Variants in FBN1 observed in about 807,000 individuals in gnomAD.
The protein encoded by FBN1 is fibrillin-1.
In FBN1, 29 loss-of-function variants were observed where a neutral mutation model predicts 365.1. That is an observed-to-expected ratio of 0.08 (90% CI 0.06 to 0.11). The LOEUF is 0.11. Among genes scored for constraint, FBN1 ranks in the 10% least tolerant of loss-of-function variants. The pLI is 1.00. For missense variants in FBN1, 2,476 were observed against 3,703.2 expected (o/e 0.67, Z 8.60); for synonymous variants, 1,210 against 1,270.5 (o/e 0.95, Z 1.01).
intron 7 of FBN1, 22 bp from the exon 8 acceptor site, chr15:48,534,227 A>G (rs1369480699): frequency 1.9e-6 from 3 of 1,590,642 alleles, no homozygotes; most frequent in African/African-American, 1.4e-5. Context: ...CAGAAGACAG[A>G]GAGAAAAAAA....
chr15:48,579,015 T>C (rs1365424719), intron 6 of FBN1, among the ~76,000 whole-genome samples: 1 of 113,696 alleles, frequency 8.8e-6, no homozygotes, highest in South Asian at 2.7e-4. Flanking sequence ...ATAATAAAAA[T>C]AAAAATAAAA....
At chr15:48,435,738 G>GTGTGTATA (rs2043063453) in intron 53 of FBN1, among the ~76,000 whole-genome samples, 1 of 103,164 alleles carries the variant, frequency 9.7e-6, no homozygotes, top group Non-Finnish European at 1.6e-5. Context: ...GTATATATAT[G>GTGTGTATA]TGTGTATATA....
At position 48,420,673 on chromosome 15, in the gene FBN1, GA is replaced by G. The variant is rs753639266; in HGVS notation, c.7819+13del. Reference sequence around the variant, plus strand: ...GATAGCCATGCATCTTGAGAGTGAGGAAAAGTTACTTGCCAACACACTGGTT... The same window carrying G: ...GATAGCCATGCATCTTGAGAGTGAGGAAAGTTACTTGCCAACACACTGGTT... On this transcript the variant is annotated intron_variant, in intron 63 of 65. Transcript: ENST00000316623. The G allele has an allele frequency of 4.3e-6, 7 of 1,613,892 alleles. No individual in the cohort carries two copies. Among genetic ancestry groups the G allele is most frequent in the African/African-American group, 1.3e-5 (1 of 74,890 alleles).
At chr15:48,613,396 A>G in intron 2 of FBN1, among the ~76,000 whole-genome samples, 1 of 152,226 alleles carries the variant, frequency 6.6e-6, no homozygotes, top group East Asian at 1.9e-4. Flanking sequence ...ATTAGACAAT[A>G]AACTTAAACA....
chr15:48,608,421 T>C (rs1274101875), intron 4 of FBN1, among the ~76,000 whole-genome samples: 1 of 152,224 alleles, frequency 6.6e-6, no homozygotes, highest in East Asian at 1.9e-4. Context: ...GTTAGCAAAG[T>C]GATCAGGATG....
chr15:48,465,296 A>C (rs1455434364), intron 40 of FBN1, among the ~76,000 whole-genome samples: 1 of 152,212 alleles, frequency 6.6e-6, no homozygotes, highest in Non-Finnish European at 1.5e-5. Context: ...AGCATGGAAA[A>C]ATATTTTGTA....
chr15:48,596,450 C>G lies in FBN1; in HGVS notation c.443-72G>C, dbSNP rs1163953323. On this transcript the variant is annotated intron_variant, in intron 5 of 65. Transcript: ENST00000316623. ...CTAATGAAGTAACACTTGTGGTCCT[C>G]TGGAAGGACAACAATAAAATGTCTA... 7 of 1,387,486 alleles carry G rather than the reference C, an allele frequency of 5.0e-6. No homozygotes were observed. In the African/African-American group the frequency reaches 9.9e-5, roughly 20 times the overall value. 85.9% of individuals were successfully genotyped at this position (1,387,486 alleles called of 1,614,324 possible). A position where few individuals can be genotyped will look rare whatever the true frequency, so the allele number is the denominator to read the frequency against.
At chr15:48,560,880 C>A (rs1484066581) in intron 6 of FBN1, among the ~76,000 whole-genome samples, 1 of 152,110 alleles carries the variant, frequency 6.6e-6, no homozygotes, top group Non-Finnish European at 1.5e-5. Flanking sequence ...CTGTGTGACC[C>A]TCTCTAAACC....
intron 6 of FBN1, among the ~76,000 whole-genome samples, chr15:48,553,558 G>A (rs1039193990): frequency 2.0e-5 from 3 of 152,142 alleles, no homozygotes; most frequent in African/African-American, 7.2e-5. Context: ...AAATGAAGTC[G>A]CAGCTTTATA....
At chr15:48,460,806 T>C (rs981816268) in intron 42 of FBN1, among the ~76,000 whole-genome samples, 2 of 152,148 alleles carry the variant, frequency 1.3e-5, no homozygotes, top group African/African-American at 4.8e-5. Flanking sequence ...CCTTCACCAG[T>C]TTTTCAGTTT....
At chr15:48,457,932 T>C (rs1438884292) in intron 43 of FBN1, among the ~76,000 whole-genome samples, 1 of 152,076 alleles carries the variant, frequency 6.6e-6, no homozygotes, top group Non-Finnish European at 1.5e-5. Context: ...TCCCTTATCA[T>C]ATAAGGGAAG....
intron 2 of FBN1, among the ~76,000 whole-genome samples, chr15:48,640,101 AG>A (rs1487064573): frequency 2.0e-5 from 3 of 152,206 alleles, no homozygotes; most frequent in African/African-American, 4.8e-5. Context: ...ATAAGGTTGA[AG>A]GGAAGTCTGT....
chr15:48,465,088 G>A (rs183689346), intron 40 of FBN1, among the ~76,000 whole-genome samples: 5 of 152,238 alleles, frequency 3.3e-5, no homozygotes, highest in Admixed American at 6.5e-5. Flanking sequence ...CACCTTTCCA[G>A]TAACACAGGA....
Position 48,425,428 on chromosome 15 carries a change from C to T in FBN1, c.7394G>A (p.Ser2465Asn). The change falls in exon 60 of 66, where the codon AGT becomes AAT. Residue 2465 changes from serine to asparagine, a missense_variant. Physicochemically the swap from Ser to Asn is conservative, Grantham distance 46 (BLOSUM62 1). Around this residue, in one of 5 missense-constraint regions of FBN1, gnomAD observed 1,780 missense variants for 2,840.8 expected, o/e 0.63. Coordinates refer to ENST00000316623, the MANE Select transcript of FBN1 (RefSeq NM_000138.5). The part of the protein sequence containing the change: ...CNFICKNTEG[S>N]YQCSCPKGYI... ...GCCTTTCGGGCATGAACACTGGTAA[C>T]TCCCTTCTGTGTTTTTGCAGATAAA... 6.2e-7 allele frequency: 1 copy of T among 1,614,182 alleles called. No individual in the cohort carries two copies. Among genetic ancestry groups the T allele is most frequent in the Non-Finnish European group, 8.5e-7 (1 of 1,179,994 alleles).
intron 60 of FBN1, among the ~76,000 whole-genome samples, chr15:48,423,762 T>A (rs183892926): frequency 7.9e-5 from 12 of 152,194 alleles, no homozygotes; most frequent in Non-Finnish European, 1.6e-4. Flanking sequence ...GTGGTGCAAC[T>A]ATCTGCACTA....
Position 48,472,558 on chromosome 15 carries a change from G to T in FBN1, c.4329C>A (p.Ala1443=). 6.2e-7 allele frequency: 1 copy of T among 1,613,832 alleles called. No homozygotes were observed. Among genetic ancestry groups the T allele is most frequent in the Non-Finnish European group, 8.5e-7 (1 of 1,179,922 alleles). ...GGCTTCCCCATCAGTTACCTTCACA[G>T]GCTTTCCCGTCAGCACTGGGCACGA... ...MGFVPSADGK[A]CEDIDECSLP... Residue 1443 remains alanine, a synonymous_variant, in exon 35 of 66, where the codon GCC becomes GCA. Coordinates refer to ENST00000316623, the MANE Select transcript of FBN1 (RefSeq NM_000138.5).
chr15:48,530,614 A>G (rs1355356024), intron 8 of FBN1, among the ~76,000 whole-genome samples: 1 of 151,890 alleles, frequency 6.6e-6, no homozygotes, highest in Non-Finnish European at 1.5e-5. Flanking sequence ...TTGAACAGTG[A>G]AAGTCTAGGG....
In FBN1 at chr15:48,644,802, T is replaced by C. The variant is rs1184261231; in HGVS notation, c.-33A>G. On this transcript the variant is annotated 5_prime_UTR_variant, in exon 2 of 66. Coordinates refer to ENST00000316623, the MANE Select transcript of FBN1 (RefSeq NM_000138.5). ...AGCCGCCACCGGCTCCCGCCGCCTC[T>C]TGCCGCGCCCGGGGCTCGGTCTGCG... The C allele has an allele frequency of 2.5e-6, 4 of 1,597,946 alleles. No homozygotes were observed. In the South Asian group the frequency reaches 3.3e-5, roughly 13 times the overall value.
At chr15:48,452,486 A>T in intron 45 of FBN1, 76 bp downstream of exon 45, 1 of 1,545,182 alleles carries the variant, frequency 6.5e-7, no homozygotes, top group South Asian at 1.1e-5. Context: ...ACTATCTGAA[A>T]ATAAATCCAG....
Sources: allele counts gnomAD v4.1 joint callset (sites outside exome capture counted in the v4.1 genomes callset), GRCh38; gene constraint gnomAD v4.1.1; regional missense constraint gnomAD v4.1.1; transcripts MANE v1.5; gene names NCBI Gene and HGNC (gene_info 2026-07-23, HGNC 2026-07-21).